CERS1: variants seen among roughly 807,000 people sequenced by gnomAD.
CERS1 encodes Embryonic growth/differentiation factor 1.
In CERS1, 16 loss-of-function variants were observed where a neutral mutation model predicts 35.7. The ratio of observed to expected loss-of-function variants is 0.45; its 90% CI spans 0.30 to 0.68. The LOEUF is 0.68. Ranked by LOEUF, CERS1 falls within the 30% of genes least tolerant of loss-of-function variation. The probability of loss-of-function intolerance (pLI) is 0.08; values close to 1 mark genes in which losing one functional copy is unlikely to be tolerated. For synonymous variants in CERS1, 243 were observed against 201.6 expected (o/e 1.21, Z -1.74); for missense variants, 454 against 453.9 (o/e 1.00, Z 0.00).
Position 18,869,249 on chromosome 19 carries a change from G to C in CERS1, c.*736C>G, listed in dbSNP as rs773574790. 2.0e-5 allele frequency: 28 copies of C among 1,434,980 alleles called. No individual in the cohort carries two copies. The African/African-American group carries it at 3.6e-4, about 19-fold the overall frequency. The allele number at this position is 1,434,980 out of a possible 1,614,324, so 88.9% of individuals were successfully genotyped here. ...CTCCCAGCCGCCCTCCGGGGCTGCC[G>C]CCGCCGCCGCCGCGAAACGCAGCTC... is the stretch of plus-strand genomic sequence containing the variant. On this transcript the variant is annotated 3_prime_UTR_variant, in exon 8 of 8. Coordinates refer to ENST00000623882, the MANE Select transcript of CERS1 (RefSeq NM_021267.5).
At position 18,879,227 on chromosome 19, in the gene CERS1, C is replaced by T. The variant is rs376109182; in HGVS notation, c.900+14G>A. On this transcript the variant is annotated intron_variant, in intron 5 of 7. Transcript: ENST00000623882. Reference sequence around the variant, plus strand: ...CGGGACCGCCACTGTGGAGGAGAGCCGGGGCCGACTCACCAGGAACCAGTA... The same window carrying T: ...CGGGACCGCCACTGTGGAGGAGAGCTGGGGCCGACTCACCAGGAACCAGTA... 1.6e-5 allele frequency: 26 copies of T among 1,613,246 alleles called. No individual in the cohort carries two copies. The highest frequency in any genetic ancestry group is 1.2e-4 in the African/African-American group (9 of 74,976).
At chr19:18,882,883 C>T (rs939953570) in intron 3 of CERS1, among the ~76,000 whole-genome samples, 1 of 151,782 alleles carries the variant, frequency 6.6e-6, no homozygotes, top group African/African-American at 2.4e-5. Flanking sequence ...AGTAGAGACA[C>T]GGTTTCACTG....
chr19:18,870,444 G>A lies in CERS1; in HGVS notation c.*133C>T. 2.2e-6 allele frequency: 2 copies of A among 907,838 alleles called. No homozygotes were observed. Among genetic ancestry groups the A allele is most frequent in the South Asian group, 3.1e-5 (2 of 65,114 alleles). The allele number at this position is 907,838 out of a possible 1,614,324, so 56.2% of individuals were successfully genotyped here. On this transcript the variant is annotated 3_prime_UTR_variant, in exon 7 of 8. Transcript: ENST00000623882. The surrounding 1 kb of genome is among the most constrained non-coding windows in gnomAD (Gnocchi z 5.1). ...CCGGGAACTGGAGGCAGGATGAGGG[G>A]GCGGGGTCCCAGGGGAGGTGGCGGC...
rs1400227714 is a variant in CERS1 at position 18,882,912 on chromosome 19, C to T, written c.590+1175G>A. Among the ~76,000 whole-genome samples the T allele has an allele frequency of 3.3e-5, 5 of 152,176 alleles. No homozygotes were observed. The East Asian group carries it at 5.9e-4, about 18-fold the overall frequency. ...TTCACTGTGTTAGCCAGGATGGTCT[C>T]GATCTCCTGACCTCATGATCCGCTC... On this transcript the variant is annotated intron_variant, in intron 3 of 7. Transcript: ENST00000623882.
chr19:18,877,033 G>A (rs772078664), intron 6 of CERS1, among the ~76,000 whole-genome samples: 32 of 152,132 alleles, frequency 2.1e-4, no homozygotes, highest in Non-Finnish European at 4.0e-4. Context: ...TTTGGAAGAC[G>A]TCTCTCAGCC....
intron 3 of CERS1, among the ~76,000 whole-genome samples, chr19:18,881,266 C>T (rs1018428480): frequency 2.0e-5 from 3 of 149,924 alleles, no homozygotes; most frequent in African/African-American, 7.4e-5. Flanking sequence ...GTTGCCCAGG[C>T]TGGAGCGCAA....
intron 2 of CERS1, among the ~76,000 whole-genome samples, chr19:18,892,701 G>GT (rs545281314): frequency 1.2e-4 from 18 of 152,048 alleles, no homozygotes; most frequent in Non-Finnish European, 2.2e-4. Context: ...CCCATGAAAC[G>GT]TGAGTGCCTC....
At position 18,893,648 on chromosome 19, in the gene CERS1, T is replaced by A. The variant is rs1021180786; in HGVS notation, c.250-73A>T. ...GACTGCTCCTTTGGGGTGGGGAAAC[T>A]GAGGCCCAGGGACTCCCCAGGCCGG... is the stretch of plus-strand genomic sequence containing the variant. On this transcript the variant is annotated intron_variant, in intron 1 of 7. Transcript: ENST00000623882. 8 of 1,468,312 alleles carry A rather than the reference T, an allele frequency of 5.4e-6. No homozygotes were observed. In the Admixed American group the frequency reaches 6.0e-5, roughly 11 times the overall value. 91.0% of individuals were successfully genotyped at this position (1,468,312 alleles called of 1,614,324 possible). A position where few individuals can be genotyped will look rare whatever the true frequency, so the allele number is the denominator to read the frequency against.
chr19:18,872,564 G>A (rs1027902626), intron 6 of CERS1, among the ~76,000 whole-genome samples: 15 of 151,982 alleles, frequency 9.9e-5, no homozygotes, highest in Non-Finnish European at 2.1e-4. Context: ...CCCCCAGGCG[G>A]GAATGCGGTG....
chr19:18,884,116 G>A lies in CERS1; in HGVS notation c.561C>T (p.Leu187=). 6.2e-7 allele frequency: 1 copy of A among 1,613,656 alleles called. No homozygotes were observed. The highest frequency in any genetic ancestry group is 1.1e-5 in the South Asian group (1 of 91,000). ...VVMLLHHVVT[L]ILIVSSYAFR... ...AGGCGTAGGAGGAGACGATGAGGAT[G>A]AGAGTGACCACGTGGTGGAGCAGCA... The change falls in exon 3 of 8, where the codon CTC becomes CTT. Residue 187 remains leucine (L), a synonymous_variant. Transcript: ENST00000623882.
chr19:18,869,134 C>T lies in CERS1; in HGVS notation c.*851G>A, dbSNP rs1467691365. 1 of 1,103,686 alleles carries T rather than the reference C, an allele frequency of 9.1e-7. No individual in the cohort carries two copies. Among genetic ancestry groups the T allele is most frequent in the South Asian group, 3.3e-5 (1 of 30,610 alleles). 68.4% of individuals were successfully genotyped at this position (1,103,686 alleles called of 1,614,324 possible). On this transcript the variant is annotated 3_prime_UTR_variant, in exon 8 of 8. Coordinates refer to ENST00000623882, the MANE Select transcript of CERS1 (RefSeq NM_021267.5). ...AAGCGGCGCCCAGCAGCTCCGCGCG[C>T]ACTGGCGGCCCCAGGGCGGGCACCA...
intron 2 of CERS1, among the ~76,000 whole-genome samples, chr19:18,889,573 C>T (rs186460741): frequency 3.3e-4 from 51 of 152,298 alleles, no homozygotes; most frequent in Admixed American, 9.8e-4. Flanking sequence ...CACAGGCACG[C>T]GCCACCATAT....
At position 18,870,446 on chromosome 19, in the gene CERS1, C is replaced by T; in HGVS notation, c.*131G>A. 4.5e-6 allele frequency: 2 copies of T among 446,324 alleles called. No homozygotes were observed. The highest frequency in any genetic ancestry group is 3.5e-6 in the Non-Finnish European group (1 of 286,984). 27.6% of individuals were successfully genotyped at this position (446,324 alleles called of 1,614,324 possible). A position where few individuals can be genotyped will look rare whatever the true frequency, so the allele number is the denominator to read the frequency against. On this transcript the variant is annotated 3_prime_UTR_variant, in exon 7 of 8. Transcript: ENST00000623882. This position sits in a 1 kb window ranked among gnomAD's most constrained non-coding sequence, Gnocchi z 5.1. Reference sequence around the variant, plus strand: ...GGGAACTGGAGGCAGGATGAGGGGGCGGGGTCCCAGGGGAGGTGGCGGCGG... The same window carrying T: ...GGGAACTGGAGGCAGGATGAGGGGGTGGGGTCCCAGGGGAGGTGGCGGCGG...
Position 18,870,066 on chromosome 19 carries a change from G to T in CERS1, c.*511C>A. ...CGGTTGCAGGGTGACCCCTGGGGACGTCCGCCGCGAGCCAGACCTGGTCTC... is the reference window on the plus strand; with the variant it reads ...CGGTTGCAGGGTGACCCCTGGGGACTTCCGCCGCGAGCCAGACCTGGTCTC... On this transcript the variant is annotated 3_prime_UTR_variant, in exon 7 of 8. Transcript: ENST00000623882. This position sits in a 1 kb window ranked among gnomAD's most constrained non-coding sequence, Gnocchi z 5.1. 6.3e-7 allele frequency: 1 copy of T among 1,583,828 alleles called. No individual in the cohort carries two copies. The highest frequency in any genetic ancestry group is 1.8e-5 in the Admixed American group (1 of 56,460).
At chr19:18,887,473 T>G (rs1309651012) in intron 2 of CERS1, among the ~76,000 whole-genome samples, 3 of 152,188 alleles carry the variant, frequency 2.0e-5, no homozygotes, top group South Asian at 2.1e-4. Flanking sequence ...GCTGATGAAC[T>G]GTTCGCTTTA....
intron 2 of CERS1, 42 bp from the exon 3 acceptor site, chr19:18,884,309 T>C: frequency 6.4e-7 from 1 of 1,554,936 alleles, no homozygotes; most frequent in South Asian, 1.2e-5. Flanking sequence ...CTGCGAAGCC[T>C]CTAGACGATC....
At chr19:18,887,346 T>G (rs1375425937) in intron 2 of CERS1, among the ~76,000 whole-genome samples, 2 of 152,018 alleles carry the variant, frequency 1.3e-5, no homozygotes, top group Non-Finnish European at 2.9e-5. Flanking sequence ...TGCCAGGGGC[T>G]GGGGGAGAGG....
Position 18,896,106 on chromosome 19 carries a change from G to T in CERS1, c.-34C>A, listed in dbSNP as rs992418214. The T allele has an allele frequency of 3.0e-5, 26 of 862,344 alleles. No individual in the cohort carries two copies. Among genetic ancestry groups the T allele is most frequent in the African/African-American group, 3.7e-5 (2 of 54,170 alleles). The allele number at this position is 862,344 out of a possible 1,614,324, so 53.4% of individuals were successfully genotyped here. A position where few individuals can be genotyped will look rare whatever the true frequency, so the allele number is the denominator to read the frequency against. On this transcript the variant is annotated 5_prime_UTR_variant, in exon 1 of 8. Coordinates refer to ENST00000623882, the MANE Select transcript of CERS1 (RefSeq NM_021267.5). This position sits in a 1 kb window ranked among gnomAD's most constrained non-coding sequence, Gnocchi z 5.9. ...CTCGCCCGCCGTGCCCGTCGCCTGC[G>T]CCCGCCCGCGGTAGCCGACGGAGCC...
At chr19:18,873,361 G>A (rs926724486) in intron 6 of CERS1, among the ~76,000 whole-genome samples, 2 of 152,014 alleles carry the variant, frequency 1.3e-5, no homozygotes, top group Non-Finnish European at 2.9e-5. Context: ...AAGGAGGCCA[G>A]CCAGGAGGCC....
Sources: gnomAD v4.1 joint callset for allele counts (sites outside exome capture counted in the v4.1 genomes callset) on GRCh38, gnomAD v4.1.1 for gene constraint, Gnocchi (gnomAD v3.1) non-coding constraint, MANE v1.5 for transcripts, NCBI Gene and HGNC (gene_info 2026-07-23, HGNC 2026-07-21) for gene names.